Variants in MYO7B observed in about 807,000 individuals in gnomAD.
The protein encoded by MYO7B is unconventional myosin-VIIb.
MYO7B carries 212 observed loss-of-function variants against 259.7 expected under a neutral mutation model. The ratio of observed to expected loss-of-function variants is 0.82; its 90% CI spans 0.73 to 0.91. The LOEUF (loss-of-function observed/expected upper bound fraction) is 0.91. MYO7B is among the 40% of genes least tolerant of loss of function. The pLI is 0.00. For missense variants in MYO7B, 2,732 were observed against 2,813.5 expected (o/e 0.97, Z 0.66); for synonymous variants, 1,197 against 1,166.4 (o/e 1.03, Z -0.54).
Position 127,607,217 on chromosome 2 carries a change from C to T in MYO7B, c.2436C>T (p.Gly812=). 6.5e-7 allele frequency: 1 copy of T among 1,548,998 alleles called. No individual in the cohort carries two copies. The highest frequency in any genetic ancestry group is 8.7e-7 in the Non-Finnish European group (1 of 1,146,384). The change falls in exon 21 of 48, where the codon GGC becomes GGT. Residue 812 remains glycine, a synonymous_variant. Transcript: ENST00000409816. This position sits in a 1 kb window ranked among gnomAD's most constrained non-coding sequence, Gnocchi z 4.4. ...TCTTGCCTCCGCAGATCCTCGTGGG[C>T]TTTGAGCGCCTGCAGGCTATTGCCC... ...NRRNFKLILV[G]FERLQAIARS... is the part of the protein sequence containing the mutation.
In MYO7B at chr2:127,565,241, G is replaced by C; in HGVS notation, c.141G>C (p.Trp47Cys). 3 of 1,613,764 alleles carry C rather than the reference G, an allele frequency of 1.9e-6. No individual in the cohort carries two copies. The highest frequency in any genetic ancestry group is 2.5e-6 in the Non-Finnish European group (3 of 1,179,788). ...TGCACCCATTGTTCCAGGAACACTG[G>C]ATCCGAGCAGAGGACTTTGGTGTCC... ...LVEDDEGKEH[W>C]IRAEDFGVLS... The change falls in exon 4 of 48, where the codon TGG becomes TGC. Residue 47 changes from tryptophan to cysteine, a missense_variant. Physicochemically the swap from Trp to Cys is radical, Grantham distance 215. Transcript: ENST00000409816.
At chr2:127,549,471 T>A (rs1487723479) in intron 1 of MYO7B, among the ~76,000 whole-genome samples, 1 of 152,170 alleles carries the variant, frequency 6.6e-6, no homozygotes, top group East Asian at 1.9e-4. Flanking sequence ...AGGTTTCTTG[T>A]GGACAACATA....
rs1006585622 is a variant in MYO7B at position 127,624,152 on chromosome 2, G to T, written c.3879G>T (p.Gln1293His). Residue 1293 changes from glutamine (Q) to histidine (H), a missense_variant, in exon 30 of 48, where the codon CAG becomes CAT. By Grantham distance (24) the Gln-to-His change is conservative. Around this residue, in one of 3 missense-constraint regions of MYO7B, gnomAD observed 1,906 missense variants for 2,026.4 expected, o/e 0.94. Coordinates refer to ENST00000409816, the MANE Select transcript of MYO7B (RefSeq NM_001393586.1). ...HMMDAIARCE[Q>H]MAQERGESQR... ...TGGATGCCATCGCCCGGTGTGAGCA[G>T]ATGGCCCAGGAGAGGGGCGAGAGCC... is the stretch of plus-strand genomic sequence containing the variant. 4 of 1,595,610 alleles carry T rather than the reference G, an allele frequency of 2.5e-6. No homozygotes were observed. The East Asian group carries it at 9.1e-5, about 36-fold the overall frequency.
At chr2:127,629,969 A>C (rs992034135) in intron 35 of MYO7B, 143 bp downstream of exon 35, 1 of 848,624 alleles carries the variant, frequency 1.2e-6, no homozygotes, top group South Asian at 3.1e-5. Flanking sequence ...AGCCCCCACC[A>C]TTCCTGCGGC....
intron 1 of MYO7B, among the ~76,000 whole-genome samples, chr2:127,537,150 A>G (rs1362092678): frequency 6.6e-6 from 1 of 152,240 alleles, no homozygotes; most frequent in Non-Finnish European, 1.5e-5. Flanking sequence ...GGCTTTATAG[A>G]CAGAATGGGG....
chr2:127,596,135 A>T (rs1679760935), intron 18 of MYO7B, among the ~76,000 whole-genome samples: 1 of 152,238 alleles, frequency 6.6e-6, no homozygotes, highest in Non-Finnish European at 1.5e-5. Flanking sequence ...GTTGGATGCA[A>T]ATGTCACATG....
rs558489447 is a variant in MYO7B at position 127,632,227 on chromosome 2, G to A, written c.5250-19G>A. On this transcript the variant is annotated intron_variant, in intron 38 of 47. Coordinates refer to ENST00000409816, the MANE Select transcript of MYO7B (RefSeq NM_001393586.1). ...GCCCCCTGAGGGGCCTTTCCCGGCT[G>A]ACAAGTGCTACCCTTCAGGCACAGC... 44 of 1,609,132 alleles carry A rather than the reference G, an allele frequency of 2.7e-5. No individual in the cohort carries two copies. The African/African-American group carries it at 5.9e-4, about 21-fold the overall frequency.
At chr2:127,606,103 C>G (rs1680149885) in intron 20 of MYO7B, among the ~76,000 whole-genome samples, 175 bp downstream of exon 20, 1 of 152,232 alleles carries the variant, frequency 6.6e-6, no homozygotes, top group Non-Finnish European at 1.5e-5. Context: ...CCCACACAGT[C>G]TCTTCTTAGC....
At position 127,628,424 on chromosome 2, in the gene MYO7B, G is replaced by A. The variant is rs771417545; in HGVS notation, c.4513G>A (p.Glu1505Lys). The A allele has an allele frequency of 1.3e-5, 20 of 1,597,970 alleles. No individual in the cohort carries two copies. Among genetic ancestry groups the A allele is most frequent in the East Asian group, 2.2e-5 (1 of 44,480 alleles). Residue 1505 changes from glutamate (E) to lysine (K), a missense_variant, in exon 34 of 48, where the codon GAG (glutamate) becomes AAG (lysine). Around this residue, in one of 3 missense-constraint regions of MYO7B, gnomAD observed 1,906 missense variants for 2,026.4 expected, o/e 0.94. Coordinates refer to ENST00000409816, the MANE Select transcript of MYO7B (RefSeq NM_001393586.1). This position sits in a 1 kb window ranked among gnomAD's most constrained non-coding sequence, Gnocchi z 4.8. ...LLLSTMHEEY[E>K]FVSPSSVAIA... is the part of the protein sequence containing the mutation. Reference sequence around the variant, plus strand: ...GCTCTCCACGATGCATGAGGAGTACGAGTTTGTGTCACCCAGCAGTGTGGC... The same window carrying A: ...GCTCTCCACGATGCATGAGGAGTACAAGTTTGTGTCACCCAGCAGTGTGGC...
rs777762813 is a variant in MYO7B, at chr2:127,608,981, G to A, written c.2814+103G>A. On this transcript the variant is annotated intron_variant, in intron 22 of 47. Coordinates refer to ENST00000409816, the MANE Select transcript of MYO7B (RefSeq NM_001393586.1). ...TCTCGGCTCCCTGAGAAGCCAGAGC[G>A]GTGGCCAAGTGTGTGCTGCAGCCCT... 39 of 1,432,250 alleles carry A rather than the reference G, an allele frequency of 2.7e-5. 1 individual carries two copies. Among genetic ancestry groups the A allele is most frequent in the South Asian group, 6.8e-5 (5 of 73,720 alleles). The allele number at this position is 1,432,250 out of a possible 1,614,324, so 88.7% of individuals were successfully genotyped here. A position where few individuals can be genotyped will look rare whatever the true frequency, so the allele number is the denominator to read the frequency against.
rs1168065177 is a variant in MYO7B at position 127,627,126 on chromosome 2, A to G, written c.4333+34A>G. Reference sequence around the variant, plus strand: ...ATCTGACAGGGGGCAGGGAGCAGGTATGGGCTGGGCACCCAGGGGTCCCAT... The same window carrying G: ...ATCTGACAGGGGGCAGGGAGCAGGTGTGGGCTGGGCACCCAGGGGTCCCAT... On this transcript the variant is annotated intron_variant, in intron 32 of 47. Transcript: ENST00000409816. The surrounding 1 kb of genome is among the most constrained non-coding windows in gnomAD (Gnocchi z 5.6). 1.2e-6 allele frequency: 2 copies of G among 1,605,230 alleles called. No homozygotes were observed. Among genetic ancestry groups the G allele is most frequent in the Non-Finnish European group, 1.7e-6 (2 of 1,176,234 alleles).
chr2:127,591,870 C>A (rs1679572297), intron 16 of MYO7B, among the ~76,000 whole-genome samples: 1 of 152,230 alleles, frequency 6.6e-6, no homozygotes, highest in South Asian at 2.1e-4. Context: ...AAGCAAAAGA[C>A]GGCTCAGCTC....
Position 127,622,080 on chromosome 2 carries a change from C to A in MYO7B, c.3624C>A (p.Pro1208=), listed in dbSNP as rs202160591. Residue 1208 remains proline, a synonymous_variant, in exon 28 of 48, where the codon CCC becomes CCA. Coordinates refer to ENST00000409816, the MANE Select transcript of MYO7B (RefSeq NM_001393586.1). ...RTYANGVRAE[P]PTWLELQAVK... ...ATGCCAATGGGGTGCGTGCGGAGCC[C>A]CCCACCTGGCTGGAGCTGCAGGTAG... is the stretch of plus-strand genomic sequence containing the variant. 1 of 1,549,956 alleles carries A rather than the reference C, an allele frequency of 6.5e-7. No individual in the cohort carries two copies. The highest frequency in any genetic ancestry group is 2.4e-5 in the East Asian group (1 of 40,842).
Position 127,623,369 on chromosome 2 carries a change from C to A in MYO7B, c.3813C>A (p.Tyr1271Ter). ...HLGFSLQVAV[Y>*]DKFWSLGSGR... is the part of the protein sequence containing the mutation. Reference sequence around the variant, plus strand: ...GCTTCTCCCTCCAGGTCGCCGTGTACGACAAGGTACCAGCCAGGCACCCTG... The same window carrying A: ...GCTTCTCCCTCCAGGTCGCCGTGTAAGACAAGGTACCAGCCAGGCACCCTG... Residue 1271 changes from tyrosine to a stop codon, truncating the protein, a stop_gained, in exon 29 of 48, where the codon TAC becomes TAA. Transcript: ENST00000409816. LOFTEE classifies it high-confidence loss of function. 6.3e-7 allele frequency: 1 copy of A among 1,585,732 alleles called. No individual in the cohort carries two copies.
At chr2:127,541,896 C>T (rs1166113929) in intron 1 of MYO7B, among the ~76,000 whole-genome samples, 10 of 152,356 alleles carry the variant, frequency 6.6e-5, no homozygotes, top group South Asian at 2.1e-4. Flanking sequence ...GCCTTGCCGT[C>T]GCTGACTGCC....
chr2:127,636,899 T>C lies in MYO7B; in HGVS notation c.6313T>C (p.Cys2105Arg), dbSNP rs775533546. The change falls in exon 47 of 48, where the codon TGC becomes CGC. Residue 2105 changes from cysteine to arginine, a missense_variant. By Grantham distance (180) the Cys-to-Arg change is radical. Transcript: ENST00000409816. The surrounding 1 kb of genome is among the most constrained non-coding windows in gnomAD (Gnocchi z 4.5). ...CCTGGGCCGTGGCAGCCGCCTGCTG[T>C]GCGAGACCTCCCTGGTGAGCTCAGG... is the stretch of plus-strand genomic sequence containing the variant. ...GSLGRGSRLL[C>R]ETSLGYKMDD... The C allele has an allele frequency of 5.4e-5, 87 of 1,612,748 alleles. No homozygotes were observed. Among genetic ancestry groups the C allele is most frequent in the Non-Finnish European group, 7.4e-5 (87 of 1,179,856 alleles).
rs1178941655 is a variant in MYO7B, at chr2:127,597,252, C to T, written c.2339+696C>T. ...CAGGCCCACGTGGTCAGAGGCGAGG[C>T]AGGCTGGCCACCCTGACTCCCAACA... On this transcript the variant is annotated intron_variant, in intron 19 of 47. Transcript: ENST00000409816. The surrounding 1 kb of genome is among the most constrained non-coding windows in gnomAD (Gnocchi z 4.8). Among the ~76,000 whole-genome samples the T allele has an allele frequency of 6.6e-6, 1 of 152,242 alleles. No individual in the cohort carries two copies. Among genetic ancestry groups the T allele is most frequent in the Non-Finnish European group, 1.5e-5 (1 of 68,048 alleles).
chr2:127,605,974 ACTGTC>A, intron 20 of MYO7B, 46 bp downstream of exon 20: 1 of 1,488,550 alleles, frequency 6.7e-7, no homozygotes, highest in Non-Finnish European at 9.3e-7. Context: ...CCAGCGGGTA[ACTGTC>A]CAGTAAAAGA....
intron 15 of MYO7B, among the ~76,000 whole-genome samples, chr2:127,589,093 C>T (rs1443550308): frequency 1.2e-5 from 1 of 81,460 alleles, no homozygotes; most frequent in Non-Finnish European, 2.3e-5. Flanking sequence ...ATGGGTGTGT[C>T]GATGGTTGGG....
Sources: gnomAD v4.1 joint callset for allele counts (sites outside exome capture counted in the v4.1 genomes callset) on GRCh38, gnomAD v4.1.1 for gene constraint, gnomAD v4.1.1 regional missense constraint, Gnocchi (gnomAD v3.1) non-coding constraint, MANE v1.5 for transcripts, NCBI Gene and HGNC (gene_info 2026-07-23, HGNC 2026-07-21) for gene names.